FMNL2: variants seen among roughly 807,000 people sequenced by gnomAD.
FMNL2 encodes the protein formin-like protein 2.
FMNL2 carries 51 observed loss-of-function variants against 130.2 expected under a neutral mutation model. The observed-to-expected ratio is 0.39, with a 90% CI of 0.31 to 0.49. FMNL2 has a LOEUF of 0.49. FMNL2 is among the 20% of genes least tolerant of loss of function. The pLI, the probability that FMNL2 is intolerant of heterozygous loss-of-function variation, is 0.85. For synonymous variants in FMNL2, 465 were observed against 467.1 expected (o/e 1.00, Z 0.06); for missense variants, 977 against 1,316.2 (o/e 0.74, Z 3.99).
At chr2:152,530,886 T>C (rs755317634) in intron 2 of FMNL2, among the ~76,000 whole-genome samples, 2 of 152,224 alleles carry the variant, frequency 1.3e-5, no homozygotes, top group Non-Finnish European at 2.9e-5. Flanking sequence ...TTTCTAATGA[T>C]ACTGTAGGTA....
chr2:152,340,297 A>G (rs749716875), intron 1 of FMNL2, among the ~76,000 whole-genome samples: 4 of 152,222 alleles, frequency 2.6e-5, no homozygotes, highest in Admixed American at 6.5e-5. Flanking sequence ...CCTTTCTTTT[A>G]TATTATGCTT....
At chr2:152,407,728 G>C (rs1686064660) in intron 1 of FMNL2, among the ~76,000 whole-genome samples, 2 of 152,182 alleles carry the variant, frequency 1.3e-5, no homozygotes, top group South Asian at 2.1e-4. Context: ...CCTGGGTCAG[G>C]CTTGTTTGTT....
At position 152,353,799 on chromosome 2, in the gene FMNL2, G is replaced by A. The variant is rs777240713; in HGVS notation, c.117+18079G>A. Among the ~76,000 whole-genome samples the A allele has an allele frequency of 9.2e-5, 14 of 152,220 alleles. No individual in the cohort carries two copies. In the Middle Eastern group the frequency reaches 0.01, roughly 111 times the overall value. On this transcript the variant is annotated intron_variant, in intron 1 of 25. Coordinates refer to ENST00000288670, the MANE Select transcript of FMNL2 (RefSeq NM_052905.4). ...AAAATTTGACTTTATTAAAGCACTGGCTTTAGGGTCCAAGCTGTGGACTTT... is the reference window on the plus strand; with the variant it reads ...AAAATTTGACTTTATTAAAGCACTGACTTTAGGGTCCAAGCTGTGGACTTT...
At chr2:152,561,155 AAT>A in intron 6 of FMNL2, 120 bp downstream of exon 6, 1 of 990,032 alleles carries the variant, frequency 1.0e-6, no homozygotes, top group Non-Finnish European at 1.4e-6. Flanking sequence ...TTTCATTTGC[AAT>A]GACTCTAAAT....
At chr2:152,620,113 TC>T (rs1699177928) in intron 15 of FMNL2, among the ~76,000 whole-genome samples, 4 of 152,144 alleles carry the variant, frequency 2.6e-5, no homozygotes, top group Middle Eastern at 3.4e-3. Context: ...TGCTTCTGGA[TC>T]TTTTTTTTTT....
intron 1 of FMNL2, among the ~76,000 whole-genome samples, chr2:152,404,600 A>T (rs1192132051): frequency 6.6e-6 from 1 of 152,136 alleles, no homozygotes; most frequent in Non-Finnish European, 1.5e-5. Flanking sequence ...CAGAAGGATT[A>T]TGTTTAGATT....
At position 152,335,382 on chromosome 2, in the gene FMNL2, G is replaced by A; in HGVS notation, c.-222G>A. ...CCCCTCCCGAGGAAAAGAGGCCGGGGCCGCGCTGGGGCGGCGGAGAGCATG... is the reference window on the plus strand; with the variant it reads ...CCCCTCCCGAGGAAAAGAGGCCGGGACCGCGCTGGGGCGGCGGAGAGCATG... On this transcript the variant is annotated 5_prime_UTR_variant, in exon 1 of 26. Transcript: ENST00000288670. 1 of 269,826 alleles carries A rather than the reference G, an allele frequency of 3.7e-6. No individual in the cohort carries two copies. The highest frequency in any genetic ancestry group is 6.8e-6 in the Non-Finnish European group (1 of 146,406). The allele number at this position is 269,826 out of a possible 1,614,324, so 16.7% of individuals were successfully genotyped here.
intron 1 of FMNL2, among the ~76,000 whole-genome samples, chr2:152,443,897 G>A (rs987049027): frequency 1.3e-5 from 2 of 152,078 alleles, no homozygotes; most frequent in African/African-American, 4.8e-5. Flanking sequence ...AGTTGCTGCT[G>A]GGGAATGCCA....
chr2:152,452,319 C>T (rs755747483), intron 1 of FMNL2, among the ~76,000 whole-genome samples: 3 of 152,200 alleles, frequency 2.0e-5, no homozygotes, highest in South Asian at 2.1e-4. Context: ...GCAGCCTCCT[C>T]GCCTGTTGAC....
chr2:152,509,173 A>T (rs2105352472), intron 1 of FMNL2, among the ~76,000 whole-genome samples: 1 of 152,372 alleles, frequency 6.6e-6, no homozygotes, highest in East Asian at 1.9e-4. Flanking sequence ...ATTTTATTTC[A>T]CATGAACCTT....
intron 1 of FMNL2, among the ~76,000 whole-genome samples, chr2:152,422,823 C>T (rs983072761): frequency 2.0e-5 from 3 of 152,176 alleles, no homozygotes; most frequent in African/African-American, 4.8e-5. Flanking sequence ...CCACCGCAAC[C>T]GGCCTTGAAT....
chr2:152,544,398 A>C (rs564237243), intron 3 of FMNL2, among the ~76,000 whole-genome samples: 1 of 152,300 alleles, frequency 6.6e-6, no homozygotes, highest in African/African-American at 2.4e-5. Flanking sequence ...AAAAGAGCAA[A>C]AAACTGTGTC....
chr2:152,504,322 C>T (rs1315731259), intron 1 of FMNL2, among the ~76,000 whole-genome samples: 1 of 150,794 alleles, frequency 6.6e-6, no homozygotes, highest in East Asian at 2.0e-4. Flanking sequence ...TCTCGGCTCA[C>T]TGCAACCTCT....
chr2:152,548,928 TA>T (rs1398191187), intron 3 of FMNL2, 92 bp from the exon 4 acceptor site: 2 of 964,424 alleles, frequency 2.1e-6, no homozygotes, highest in Non-Finnish European at 2.9e-6. Flanking sequence ...GAAGTGAAGA[TA>T]TTTTTCATAT....
rs373189285 is a variant in FMNL2 at position 152,640,947 on chromosome 2, G to A, written c.3169+33G>A. 2.4e-5 allele frequency: 38 copies of A among 1,611,718 alleles called. No individual in the cohort carries two copies. The South Asian group carries it at 2.4e-4, about 10-fold the overall frequency. The stretch of plus-strand genomic sequence containing the variant: ...ATATTTCTTCACTGTGGCCCATGGA[G>A]ATCCCACTGGCCTCACCTAGACTGG... On this transcript the variant is annotated intron_variant, in intron 25 of 25. Transcript: ENST00000288670.
chr2:152,646,259 G>A (rs373129312), intron 25 of FMNL2, among the ~76,000 whole-genome samples: 1 of 152,056 alleles, frequency 6.6e-6, no homozygotes, highest in African/African-American at 2.4e-5. Context: ...TTGAGCCCAG[G>A]AGGTGGATGC....
At chr2:152,406,502 A>T (rs139399010) in intron 1 of FMNL2, among the ~76,000 whole-genome samples, 1 of 152,330 alleles carries the variant, frequency 6.6e-6, no homozygotes, top group African/African-American at 2.4e-5. Flanking sequence ...ATGTGATTGA[A>T]GATATTTGAT....
chr2:152,405,903 A>G (rs1008381036), intron 1 of FMNL2, among the ~76,000 whole-genome samples: 5 of 152,250 alleles, frequency 3.3e-5, no homozygotes, highest in African/African-American at 7.2e-5. Context: ...ATATTATAAC[A>G]TAGTAAAGTC....
chr2:152,341,957 A>G (rs1344761351), intron 1 of FMNL2, among the ~76,000 whole-genome samples: 1 of 152,218 alleles, frequency 6.6e-6, no homozygotes, highest in Non-Finnish European at 1.5e-5. Flanking sequence ...TAGGAAGTAC[A>G]TTATTGGCTC....
Sources: gnomAD v4.1 joint callset for allele counts (sites outside exome capture counted in the v4.1 genomes callset) on GRCh38, gnomAD v4.1.1 for gene constraint, MANE v1.5 for transcripts, NCBI Gene and HGNC (gene_info 2026-07-23, HGNC 2026-07-21) for gene names.